HIPK2: variants seen among roughly 807,000 people sequenced by gnomAD.
HIPK2 encodes homeodomain-interacting protein kinase 2.
A neutral mutation model predicts 113.7 loss-of-function variants in HIPK2; 27 were observed. That is an observed-to-expected ratio of 0.24 (90% CI 0.17 to 0.33). HIPK2 has a LOEUF of 0.33. Ranked by LOEUF, HIPK2 falls within the 10% of genes least tolerant of loss-of-function variation. HIPK2 has a pLI of 1.00. For missense variants in HIPK2, 1,257 were observed against 1,588.0 expected (o/e 0.79, Z 3.54); for synonymous variants, 631 against 642.2 (o/e 0.98, Z 0.26).
At position 139,567,902 on chromosome 7, in the gene HIPK2, C is replaced by G; in HGVS notation, c.*5025G>C. The G allele has an allele frequency of 6.6e-6, 1 of 152,306 alleles. No homozygotes were observed. The highest frequency in any genetic ancestry group is 1.9e-4 in the East Asian group (1 of 5,194). 9.4% of individuals were successfully genotyped at this position (152,306 alleles called of 1,614,324 possible). ...TGCCCTCAGCATCAGACAAAGAGAACCTGGGACAAAAGCTGGGGCGAGCTG... is the reference window on the plus strand; with the variant it reads ...TGCCCTCAGCATCAGACAAAGAGAAGCTGGGACAAAAGCTGGGGCGAGCTG... On this transcript the variant is annotated 3_prime_UTR_variant, in exon 15 of 15. Transcript: ENST00000406875.
At position 139,708,924 on chromosome 7, in the gene HIPK2, C is replaced by CTG. The variant is rs375440374; in HGVS notation, c.1103+7006_1103+7007dup. On this transcript the variant is annotated intron_variant, in intron 2 of 14. Coordinates refer to ENST00000406875, the MANE Select transcript of HIPK2 (RefSeq NM_022740.5). ...TGTGTGTGCATGTGTGTGTGTGCAC[C>CTG]TGTGTGTGTGTGAAGAGGGGACTGC... 2.0e-5 allele frequency among the ~76,000 whole-genome samples: 3 copies of CTG among 151,950 alleles called. No individual in the cohort carries two copies. The South Asian group carries it at 6.3e-4, about 32-fold the overall frequency.
At chr7:139,693,209 C>T (rs1017121399) in intron 2 of HIPK2, among the ~76,000 whole-genome samples, 3 of 152,134 alleles carry the variant, frequency 2.0e-5, no homozygotes, top group South Asian at 2.1e-4. Context: ...GGAAAAAATG[C>T]CTTGTGAAGA....
intron 1 of HIPK2, among the ~76,000 whole-genome samples, chr7:139,731,583 G>A (rs1795784301): frequency 6.6e-6 from 1 of 152,148 alleles, no homozygotes; most frequent in East Asian, 1.9e-4. Flanking sequence ...ACACCTGTTT[G>A]CACACCCCTT....
intron 2 of HIPK2, among the ~76,000 whole-genome samples, chr7:139,644,421 C>T (rs1801137518): frequency 6.6e-6 from 1 of 152,184 alleles, no homozygotes; most frequent in Non-Finnish European, 1.5e-5. Context: ...TATGGGTGCA[C>T]ATCGGTGTGG....
At chr7:139,681,257 G>C (rs1802689708) in intron 2 of HIPK2, among the ~76,000 whole-genome samples, 1 of 152,034 alleles carries the variant, frequency 6.6e-6, no homozygotes, top group Non-Finnish European at 1.5e-5. Context: ...ATTCTTTTTG[G>C]CCTGTTTTGA....
intron 13 of HIPK2, among the ~76,000 whole-genome samples, chr7:139,579,848 A>C (rs1798611860): frequency 6.6e-6 from 1 of 152,132 alleles, no homozygotes; most frequent in Admixed American, 6.5e-5. Context: ...ACTGAATCGG[A>C]ATCCCTCGAG....
intron 2 of HIPK2, among the ~76,000 whole-genome samples, chr7:139,633,236 T>C (rs1448571534): frequency 6.6e-6 from 1 of 152,070 alleles, no homozygotes; most frequent in Non-Finnish European, 1.5e-5. Flanking sequence ...TTTCCTACCC[T>C]TTCTGCAGCC....
intron 12 of HIPK2, among the ~76,000 whole-genome samples, chr7:139,595,542 A>G (rs1585252064): frequency 6.6e-6 from 1 of 152,200 alleles, no homozygotes; most frequent in African/African-American, 2.4e-5. Flanking sequence ...TGCTACGGCC[A>G]CAAGTGCTCC....
intron 2 of HIPK2, among the ~76,000 whole-genome samples, chr7:139,656,820 C>T (rs113455073): frequency 0.013 from 1,958 of 152,260 alleles, 29 homozygotes; most frequent in Non-Finnish European, 0.019. Flanking sequence ...CTGCGATGCT[C>T]TCTCCTTCTC....
chr7:139,682,425 T>C (rs1305888237), intron 2 of HIPK2, among the ~76,000 whole-genome samples: 1 of 152,170 alleles, frequency 6.6e-6, no homozygotes, highest in Non-Finnish European at 1.5e-5. Context: ...TGAAGGGCTC[T>C]GTTGAGGCAC....
chr7:139,663,341 C>T (rs1258463797), intron 2 of HIPK2, among the ~76,000 whole-genome samples: 2 of 152,302 alleles, frequency 1.3e-5, no homozygotes, highest in East Asian at 1.9e-4. Flanking sequence ...AACTAGGAAG[C>T]GGGTTTACAG....
chr7:139,579,962 C>T (rs111499974), intron 13 of HIPK2, among the ~76,000 whole-genome samples: 188 of 152,246 alleles, frequency 1.2e-3, no homozygotes, highest in African/African-American at 4.0e-3. Flanking sequence ...CAGGGCCTTG[C>T]GACCCAACAC....
rs761495136 is a variant in HIPK2 at position 139,652,852 on chromosome 7, G to T, written c.1104-21127C>A. 2.0e-5 allele frequency among the ~76,000 whole-genome samples: 3 copies of T among 152,096 alleles called. 1 individual carries two copies. The highest frequency in any genetic ancestry group is 1.3e-4 in the Admixed American group (2 of 15,266). ...TACAGAGGCAGGAAAACACAAAGAA[G>T]ACTGTTCAGGGCCGGCACGGTGGCT... On this transcript the variant is annotated intron_variant, in intron 2 of 14. Coordinates refer to ENST00000406875, the MANE Select transcript of HIPK2 (RefSeq NM_022740.5).
intron 10 of HIPK2, among the ~76,000 whole-genome samples, chr7:139,603,319 C>A (rs1799504147): frequency 6.6e-6 from 1 of 151,992 alleles, no homozygotes; most frequent in South Asian, 2.1e-4. Context: ...TGGAGGGTTG[C>A]CATCTGGCTC....
At chr7:139,671,056 C>T (rs184250519) in intron 2 of HIPK2, among the ~76,000 whole-genome samples, 14 of 152,092 alleles carry the variant, frequency 9.2e-5, no homozygotes, top group Admixed American at 2.0e-4. Context: ...CCACCGCACC[C>T]GGCCCAAAAT....
At chr7:139,655,218 A>G (rs990465880) in intron 2 of HIPK2, among the ~76,000 whole-genome samples, 5 of 152,274 alleles carry the variant, frequency 3.3e-5, no homozygotes, top group African/African-American at 1.2e-4. Context: ...TTAAGGGACC[A>G]CAGTCATGAC....
intron 1 of HIPK2, among the ~76,000 whole-genome samples, chr7:139,731,232 T>G (rs556775198): frequency 6.6e-6 from 1 of 152,340 alleles, no homozygotes; most frequent in South Asian, 2.1e-4. Flanking sequence ...CAGGTTGCCC[T>G]CTCAGCCTCC....
intron 12 of HIPK2, among the ~76,000 whole-genome samples, chr7:139,594,512 G>C (rs1463097226): frequency 6.6e-6 from 1 of 152,072 alleles, no homozygotes; most frequent in Non-Finnish European, 1.5e-5. Flanking sequence ...CAGTTACACA[G>C]TGGTTTCTCT....
intron 2 of HIPK2, among the ~76,000 whole-genome samples, chr7:139,665,392 CTTTTTT>C (rs1802015124): frequency 6.6e-6 from 1 of 152,178 alleles, no homozygotes; most frequent in Non-Finnish European, 1.5e-5. Context: ...AACCCTTCTT[CTTTTTT>C]ATCTCACATT....
Sources: gnomAD v4.1 joint callset for allele counts (sites outside exome capture counted in the v4.1 genomes callset) on GRCh38, gnomAD v4.1.1 for gene constraint, MANE v1.5 for transcripts, NCBI Gene and HGNC (gene_info 2026-07-23, HGNC 2026-07-21) for gene names.